The following SCAF4 variants were observed in gnomAD, a reference collection of about 807,000 sequenced individuals.
SCAF4 encodes SR-related CTD associated factor 4, also known as SR-related and CTD-associated factor 4.
In SCAF4, 25 loss-of-function variants were observed where a neutral mutation model predicts 129.8. That is an observed-to-expected ratio of 0.19 (90% CI 0.14 to 0.27). SCAF4 has a LOEUF of 0.27. SCAF4 is among the 10% of genes least tolerant of loss of function. The pLI, the probability that SCAF4 is intolerant of heterozygous loss-of-function variation, is 1.00. For missense variants in SCAF4, 1,246 were observed against 1,457.1 expected, an observed-to-expected ratio of 0.86 and a Z score of 2.36; for synonymous variants, 551 against 497.7, an observed-to-expected ratio of 1.11 and a Z score of -1.43.
intron 1 of SCAF4, among the ~76,000 whole-genome samples, chr21:31,723,447 C>T (rs994333852): frequency 6.7e-6 from 1 of 148,210 alleles, no homozygotes; most frequent in African/African-American, 2.4e-5. Flanking sequence ...AGCAACACTC[C>T]GTCTCAAAAA....
At chr21:31,721,725 C>CTTTT (rs1030749806) in intron 1 of SCAF4, among the ~76,000 whole-genome samples, 34 of 125,414 alleles carry the variant, frequency 2.7e-4, no homozygotes, top group Non-Finnish European at 4.4e-4. Flanking sequence ...AAGAGCAATT[C>CTTTT]TTTTTTTTTT....
chr21:31,704,320 A>T (rs1329642967), intron 3 of SCAF4, among the ~76,000 whole-genome samples: 1 of 152,174 alleles, frequency 6.6e-6, no homozygotes, highest in Non-Finnish European at 1.5e-5. Context: ...TTAACATATC[A>T]ATTTTAATTC....
chr21:31,672,945 T>A (rs111899949), intron 19 of SCAF4, among the ~76,000 whole-genome samples: 1 of 152,208 alleles, frequency 6.6e-6, no homozygotes. Flanking sequence ...AAAACAAAGA[T>A]CCATACACAA....
At chr21:31,709,398 G>A (rs1489855417) in intron 1 of SCAF4, among the ~76,000 whole-genome samples, 2 of 149,536 alleles carry the variant, frequency 1.3e-5, no homozygotes, top group Non-Finnish European at 3.0e-5. Flanking sequence ...GCAACAGTAA[G>A]AACTACTTCT....
chr21:31,682,755 C>T (rs1437673679), intron 19 of SCAF4, among the ~76,000 whole-genome samples: 1 of 152,190 alleles, frequency 6.6e-6, no homozygotes, highest in African/African-American at 2.4e-5. Flanking sequence ...AGAGGAAATA[C>T]CAAAGCATCT....
chr21:31,690,951 A>C lies in SCAF4; in HGVS notation c.1731T>G (p.Ile577Met). ...NYKVNQKSIK[I>M]AWALNKGIKA... ...TTATTCCTTTGTTTAAGGCCCAGGC[A>C]ATCTATTTCACCATTAGTGAAAATA... The change falls in exon 15 of 20, where the codon ATT (isoleucine) becomes ATG (methionine). Residue 577 changes from isoleucine to methionine, a missense_variant and splice_region_variant. By Grantham distance (10) the Ile-to-Met change is conservative. Coordinates refer to ENST00000286835, the MANE Select transcript of SCAF4 (RefSeq NM_020706.2). 6.2e-7 allele frequency: 1 copy of C among 1,604,052 alleles called. No homozygotes were observed. The highest frequency in any genetic ancestry group is 8.5e-7 in the Non-Finnish European group (1 of 1,176,136).
At chr21:31,674,518 A>C (rs953859014) in intron 19 of SCAF4, among the ~76,000 whole-genome samples, 7 of 152,236 alleles carry the variant, frequency 4.6e-5, no homozygotes, top group Admixed American at 4.6e-4. Flanking sequence ...GATGGCCTTC[A>C]GACCACAAAA....
chr21:31,717,248 G>A (rs2050941035), intron 1 of SCAF4, among the ~76,000 whole-genome samples: 2 of 151,988 alleles, frequency 1.3e-5, no homozygotes, highest in South Asian at 2.1e-4. Context: ...ATTTATCTAA[G>A]GCAATTATTA....
chr21:31,717,840 T>C (rs865939534), intron 1 of SCAF4, among the ~76,000 whole-genome samples: 134 of 82,632 alleles, frequency 1.6e-3, no homozygotes, highest in South Asian at 3.0e-3. Context: ...TATATATATA[T>C]ATACACACAC....
chr21:31,681,701 C>T (rs2049998374), intron 19 of SCAF4, among the ~76,000 whole-genome samples: 1 of 152,132 alleles, frequency 6.6e-6, no homozygotes, highest in African/African-American at 2.4e-5. Flanking sequence ...TTCAGATTAT[C>T]AGTATTACTA....
At chr21:31,718,400 GA>G (rs1343423361) in intron 1 of SCAF4, among the ~76,000 whole-genome samples, 1 of 152,190 alleles carries the variant, frequency 6.6e-6, no homozygotes, top group African/African-American at 2.4e-5. Flanking sequence ...AGGAAGGTAT[GA>G]AAACAAGATA....
At chr21:31,692,751 C>G (rs970930731) in intron 12 of SCAF4, among the ~76,000 whole-genome samples, 7 of 152,180 alleles carry the variant, frequency 4.6e-5, no homozygotes, top group Non-Finnish European at 1.0e-4. Flanking sequence ...CCACCTCACC[C>G]TGCCAATGAA....
At chr21:31,675,076 C>G (rs2049817943) in intron 19 of SCAF4, among the ~76,000 whole-genome samples, 2 of 152,052 alleles carry the variant, frequency 1.3e-5, no homozygotes, top group African/African-American at 4.8e-5. Context: ...TTACTAGCAG[C>G]TTTTGAAAAG....
At chr21:31,704,942 G>T (rs1207361546) in intron 3 of SCAF4, among the ~76,000 whole-genome samples, 1 of 152,132 alleles carries the variant, frequency 6.6e-6, no homozygotes, top group Non-Finnish European at 1.5e-5. Flanking sequence ...CAGGTCAGGG[G>T]TTAAGACAAA....
chr21:31,729,673 G>A (rs921723410), intron 1 of SCAF4, among the ~76,000 whole-genome samples: 2 of 152,216 alleles, frequency 1.3e-5, no homozygotes, highest in Non-Finnish European at 2.9e-5. Context: ...AATTTCTCTA[G>A]AGGAGTTTTA....
chr21:31,701,347 T>TC (rs1264986133), intron 6 of SCAF4, among the ~76,000 whole-genome samples, 176 bp from the exon 7 acceptor site: 2 of 152,208 alleles, frequency 1.3e-5, no homozygotes, highest in Non-Finnish European at 2.9e-5. Flanking sequence ...TACAGAGATA[T>TC]AATGTGCATT....
chr21:31,725,328 TC>T (rs1307234299), intron 1 of SCAF4, among the ~76,000 whole-genome samples: 1 of 151,970 alleles, frequency 6.6e-6, no homozygotes, highest in Non-Finnish European at 1.5e-5. Flanking sequence ...AAGACAATCA[TC>T]CCTAGTAATC....
intron 13 of SCAF4, 21 bp from the exon 14 acceptor site, chr21:31,691,951 A>G (rs2050270200): frequency 7.9e-7 from 1 of 1,268,794 alleles, no homozygotes; most frequent in Non-Finnish European, 1.1e-6. Flanking sequence ...ACATTTTAAT[A>G]TTATAAAAGA....
At chr21:31,730,890 T>G (rs2051335368) in intron 1 of SCAF4, among the ~76,000 whole-genome samples, 1 of 152,194 alleles carries the variant, frequency 6.6e-6, no homozygotes. Flanking sequence ...GAGGATTAAC[T>G]ACCTCGGGAG....
Sources: gnomAD v4.1 joint callset for allele counts (sites outside exome capture counted in the v4.1 genomes callset) on GRCh38, gnomAD v4.1.1 for gene constraint, MANE v1.5 for transcripts, NCBI Gene and HGNC (gene_info 2026-07-23, HGNC 2026-07-21) for gene names.